EPHB1: variants seen among roughly 807,000 people sequenced by gnomAD.
EPHB1 encodes the protein EPH receptor B1.
In EPHB1, 30 loss-of-function variants were observed where a neutral mutation model predicts 94.4. That is an observed-to-expected ratio of 0.32 (90% CI 0.24 to 0.43). The LOEUF (loss-of-function observed/expected upper bound fraction) is 0.43. Among genes scored for constraint, EPHB1 ranks in the 20% least tolerant of loss-of-function variants. EPHB1 has a pLI of 1.00. For missense variants in EPHB1, 1,055 were observed against 1,308.3 expected (o/e 0.81, Z 2.99); for synonymous variants, 522 against 489.1 (o/e 1.07, Z -0.89).
chr3:135,211,122 C>A (rs969096977), intron 12 of EPHB1, among the ~76,000 whole-genome samples: 1 of 152,086 alleles, frequency 6.6e-6, no homozygotes, highest in Non-Finnish European at 1.5e-5. Flanking sequence ...ATAATATATA[C>A]GTCTTAATTT....
At chr3:135,011,861 A>G (rs1358495337) in intron 3 of EPHB1, among the ~76,000 whole-genome samples, 1 of 151,814 alleles carries the variant, frequency 6.6e-6, no homozygotes, top group Non-Finnish European at 1.5e-5. Context: ...CCATTTCTTT[A>G]TTTTCGTGAA....
At chr3:135,172,673 G>A (rs1019986325) in intron 9 of EPHB1, among the ~76,000 whole-genome samples, 19 of 152,218 alleles carry the variant, frequency 1.2e-4, no homozygotes, top group Non-Finnish European at 2.8e-4. Context: ...TGGCAATTTC[G>A]GCTCCCTCTT....
intron 12 of EPHB1, among the ~76,000 whole-genome samples, chr3:135,238,075 G>A (rs1454076435): frequency 6.6e-6 from 1 of 152,178 alleles, no homozygotes; most frequent in African/African-American, 2.4e-5. Context: ...AATTGATATT[G>A]ATATTGATTA....
At chr3:134,843,076 C>G (rs2036805838) in intron 1 of EPHB1, among the ~76,000 whole-genome samples, 1 of 152,080 alleles carries the variant, frequency 6.6e-6, no homozygotes, top group African/African-American at 2.4e-5. Context: ...GTATTTTATG[C>G]AGATTTGCTG....
intron 1 of EPHB1, among the ~76,000 whole-genome samples, chr3:134,886,469 T>G (rs942315606): frequency 6.6e-6 from 1 of 152,124 alleles, no homozygotes; most frequent in African/African-American, 2.4e-5. Context: ...GAGAATCAAA[T>G]TCGGAGATTA....
chr3:135,084,918 GA>G (rs1576371246), intron 3 of EPHB1, among the ~76,000 whole-genome samples: 1 of 152,200 alleles, frequency 6.6e-6, no homozygotes, highest in East Asian at 1.9e-4. Flanking sequence ...CAGCAAAGGT[GA>G]GGGAATTACT....
At chr3:134,813,962 T>C (rs2036221023) in intron 1 of EPHB1, among the ~76,000 whole-genome samples, 1 of 152,170 alleles carries the variant, frequency 6.6e-6, no homozygotes, top group African/African-American at 2.4e-5. Context: ...CTTCTGGCTC[T>C]GAGAAAAGCA....
At chr3:134,930,866 A>G (rs1376891417) in intron 2 of EPHB1, among the ~76,000 whole-genome samples, 2 of 152,120 alleles carry the variant, frequency 1.3e-5, no homozygotes, top group Non-Finnish European at 2.9e-5. Context: ...AACCTCTAAC[A>G]TACTGTCCTT....
At chr3:135,041,804 G>A (rs1477080769) in intron 3 of EPHB1, among the ~76,000 whole-genome samples, 1 of 152,130 alleles carries the variant, frequency 6.6e-6, no homozygotes, top group Non-Finnish European at 1.5e-5. Flanking sequence ...AAGATTGAGG[G>A]CCCACATCTG....
chr3:135,148,869 C>G (rs546201546), intron 5 of EPHB1, among the ~76,000 whole-genome samples: 1 of 152,348 alleles, frequency 6.6e-6, no homozygotes, highest in East Asian at 1.9e-4. Flanking sequence ...AATTCTCTTT[C>G]TGCTTCTGAC....
rs1942493301 is a variant in EPHB1, at chr3:135,192,739, C to T, written c.2046C>T (p.Arg682=). The part of the protein sequence containing the change: ...MGQFDHPNII[R]LEGVVTKSRP... Reference sequence around the variant, plus strand: ...AGTTCGACCATCCTAACATCATTCGCCTGGAGGGTGTGGTCACCAAGAGTC... The same window carrying T: ...AGTTCGACCATCCTAACATCATTCGTCTGGAGGGTGTGGTCACCAAGAGTC... Residue 682 remains arginine (R), a synonymous_variant, in exon 11 of 16, where the codon CGC becomes CGT. Coordinates refer to ENST00000398015, the MANE Select transcript of EPHB1 (RefSeq NM_004441.5). The T allele has an allele frequency of 6.2e-7, 1 of 1,614,144 alleles. No homozygotes were observed. The highest frequency in any genetic ancestry group is 8.5e-7 in the Non-Finnish European group (1 of 1,180,018).
rs1317455108 is a variant in EPHB1, at chr3:135,252,304, C to T, written c.2846+2813C>T. Among the ~76,000 whole-genome samples the T allele has an allele frequency of 1.5e-4, 23 of 150,242 alleles. No individual in the cohort carries two copies. In the South Asian group the frequency reaches 2.3e-3, roughly 15 times the overall value. ...TATGTATACATGTGCCATGCTGGTG[C>T]GCTGCACCCACTAACTCGTCATCTA... is the stretch of plus-strand genomic sequence containing the variant. On this transcript the variant is annotated intron_variant, in intron 15 of 15. Transcript: ENST00000398015.
Position 135,162,116 on chromosome 3 carries a change from T to C in EPHB1, c.1521T>C (p.Arg507=). The C allele has an allele frequency of 6.2e-7, 1 of 1,612,900 alleles. No individual in the cohort carries two copies. The highest frequency in any genetic ancestry group is 1.3e-5 in the African/African-American group (1 of 75,026). ...GCATGGTATATGTGGTACAGGTGCG[T>C]GCCCGCACTGTTGCTGGCTACGGCA... is the stretch of plus-strand genomic sequence containing the variant. ...RPGMVYVVQV[R]ARTVAGYGKF... Residue 507 remains arginine (R), a synonymous_variant, in exon 7 of 16, where the codon CGT becomes CGC. Coordinates refer to ENST00000398015, the MANE Select transcript of EPHB1 (RefSeq NM_004441.5).
chr3:135,191,121 G>A (rs1352301975), intron 10 of EPHB1, among the ~76,000 whole-genome samples: 2 of 151,372 alleles, frequency 1.3e-5, no homozygotes. Context: ...AAGGAAGGAA[G>A]GGAGGGAGGG....
At chr3:134,841,305 G>A (rs2036772506) in intron 1 of EPHB1, among the ~76,000 whole-genome samples, 1 of 152,186 alleles carries the variant, frequency 6.6e-6, no homozygotes, top group South Asian at 2.1e-4. Flanking sequence ...AAGCCTTAGA[G>A]GAACAGGGCT....
intron 4 of EPHB1, among the ~76,000 whole-genome samples, chr3:135,128,198 T>C (rs906446379): frequency 6.6e-6 from 1 of 152,216 alleles, no homozygotes; most frequent in South Asian, 2.1e-4. Context: ...TCTTTCTCTG[T>C]TCTGGCTTCC....
chr3:135,199,502 G>A (rs1942703449), intron 11 of EPHB1, among the ~76,000 whole-genome samples: 1 of 152,212 alleles, frequency 6.6e-6, no homozygotes, highest in Non-Finnish European at 1.5e-5. Flanking sequence ...TTCTTTTTGA[G>A]TTGCTTAGAA....
intron 3 of EPHB1, among the ~76,000 whole-genome samples, chr3:135,029,629 C>G (rs1208005461): frequency 6.7e-6 from 1 of 149,286 alleles, no homozygotes; most frequent in Non-Finnish European, 1.5e-5. Context: ...GAGGGTAACC[C>G]GACCTTTCTC....
chr3:135,213,870 C>G (rs1184519459), intron 12 of EPHB1, among the ~76,000 whole-genome samples: 1 of 152,178 alleles, frequency 6.6e-6, no homozygotes, highest in African/African-American at 2.4e-5. Context: ...GGCTGTCTCT[C>G]CAAGAAGCCT....
Sources: allele counts gnomAD v4.1 joint callset (sites outside exome capture counted in the v4.1 genomes callset), GRCh38; gene constraint gnomAD v4.1.1; transcripts MANE v1.5; gene names NCBI Gene and HGNC (gene_info 2026-07-23, HGNC 2026-07-21).